The following PLPPR4 variants were observed in gnomAD, a reference collection of about 807,000 sequenced individuals.
PLPPR4 encodes phospholipid phosphatase-related protein type 4.
A neutral mutation model predicts 56.6 loss-of-function variants in PLPPR4; 24 were observed. That is an observed-to-expected ratio of 0.42 (90% CI 0.31 to 0.60). PLPPR4 has a LOEUF of 0.60. Among genes scored for constraint, PLPPR4 ranks in the 20% least tolerant of loss-of-function variants. PLPPR4 has a pLI of 0.13. For missense variants in PLPPR4, 654 were observed against 885.8 expected (o/e 0.74, Z 3.32); for synonymous variants, 326 against 328.1 (o/e 0.99, Z 0.07).
intron 1 of PLPPR4, among the ~76,000 whole-genome samples, 160 bp downstream of exon 1, chr1:99,264,831 TCC>T (rs1658850281): frequency 1.3e-5 from 2 of 152,030 alleles, no homozygotes; most frequent in South Asian, 4.1e-4. Flanking sequence ...TCACAGCAGC[TCC>T]CCGAATGTGC....
intron 2 of PLPPR4, among the ~76,000 whole-genome samples, chr1:99,293,765 A>G (rs1358673049): frequency 6.6e-6 from 1 of 152,140 alleles, no homozygotes; most frequent in Non-Finnish European, 1.5e-5. Context: ...TGAATACTAT[A>G]ATAATTTTTG....
At chr1:99,297,905 A>T (rs1430043442) in intron 3 of PLPPR4, among the ~76,000 whole-genome samples, 4 of 152,162 alleles carry the variant, frequency 2.6e-5, no homozygotes, top group Non-Finnish European at 4.4e-5. Context: ...AGGATGATCC[A>T]TTCTACCCTA....
At chr1:99,263,158 C>G (rs556940676), upstream of PLPPR4, among the ~76,000 whole-genome samples, 4 of 152,114 alleles carry the variant, frequency 2.6e-5, no homozygotes, top group Admixed American at 2.0e-4. Context: ...CCAGGACCTA[C>G]TTGGAGTTTG....
upstream of PLPPR4, chr1:99,264,427 C>A: frequency 6.9e-7 from 1 of 1,459,370 alleles, no homozygotes; most frequent in Non-Finnish European, 9.0e-7. Flanking sequence ...CAAAAAGGGG[C>A]GGGGAGAAGG....
chr1:99,274,785 C>T (rs776490672), intron 1 of PLPPR4, among the ~76,000 whole-genome samples: 3 of 152,060 alleles, frequency 2.0e-5, no homozygotes, highest in Non-Finnish European at 4.4e-5. Flanking sequence ...TGTTGGTAGG[C>T]CCATAATCTG....
chr1:99,301,992 T>C (rs1659893130), intron 6 of PLPPR4, 95 bp downstream of exon 6: 2 of 782,520 alleles, frequency 2.6e-6, no homozygotes, highest in Admixed American at 3.0e-5. Context: ...CGATATATTT[T>C]ATATAAATGA....
chr1:99,296,219 T>G (rs1043403446), intron 2 of PLPPR4, among the ~76,000 whole-genome samples: 3 of 152,190 alleles, frequency 2.0e-5, no homozygotes, highest in Admixed American at 2.0e-4. Flanking sequence ...CACTTCATTT[T>G]ATATTTAAGT....
At chr1:99,270,107 C>T (rs1477743255) in intron 1 of PLPPR4, among the ~76,000 whole-genome samples, 5 of 151,560 alleles carry the variant, frequency 3.3e-5, no homozygotes, top group Non-Finnish European at 7.4e-5. Context: ...TCACTGCAAC[C>T]TCTGCCTCCC....
chr1:99,269,144 C>G (rs1406819427), intron 1 of PLPPR4, among the ~76,000 whole-genome samples: 1 of 152,040 alleles, frequency 6.6e-6, no homozygotes, highest in African/African-American at 2.4e-5. Flanking sequence ...TCTCATTGTT[C>G]AGCTCCCACT....
rs1477705874 is a variant in PLPPR4 at position 99,274,996 on chromosome 1, T to TG, written c.78+10326dup. 3.3e-5 allele frequency among the ~76,000 whole-genome samples: 5 copies of TG among 152,298 alleles called. No individual in the cohort carries two copies. The East Asian group carries it at 9.6e-4, about 29-fold the overall frequency. On this transcript the variant is annotated intron_variant, in intron 1 of 6. Coordinates refer to ENST00000370185, the MANE Select transcript of PLPPR4 (RefSeq NM_014839.5). ...GAATGAGTCATCTCATTTAGGCTAT[T>TG]GTATGATTCATTGGAATCTTTTTTT...
At chr1:99,269,327 G>C (rs1032315256) in intron 1 of PLPPR4, among the ~76,000 whole-genome samples, 2 of 152,238 alleles carry the variant, frequency 1.3e-5, no homozygotes, top group Non-Finnish European at 2.9e-5. Flanking sequence ...GAATATCACT[G>C]ATGGGCATTT....
At chr1:99,302,509 T>TTTA (rs35590074) in intron 6 of PLPPR4, among the ~76,000 whole-genome samples, 46 of 149,552 alleles carry the variant, frequency 3.1e-4, no homozygotes, top group African/African-American at 7.6e-4. Context: ...TATTCTTTTT[T>TTTA]TTATTATTAT....
chr1:99,275,423 T>C (rs1033361927), intron 1 of PLPPR4, among the ~76,000 whole-genome samples: 1 of 152,190 alleles, frequency 6.6e-6, no homozygotes, highest in Admixed American at 6.5e-5. Flanking sequence ...CAGGACATAA[T>C]TAAGGAAAAA....
At chr1:99,284,853 A>C (rs1033925634) in intron 1 of PLPPR4, among the ~76,000 whole-genome samples, 1 of 152,194 alleles carries the variant, frequency 6.6e-6, no homozygotes, top group Non-Finnish European at 1.5e-5. Flanking sequence ...ATCAGTGGCA[A>C]CATAGAAATC....
intron 4 of PLPPR4, among the ~76,000 whole-genome samples, chr1:99,299,799 T>C (rs819913): frequency 0.038 from 5,724 of 151,944 alleles, 207 homozygotes; most frequent in African/African-American, 0.09. Context: ...TGGCCTTACA[T>C]GTCAGAAAAT....
rs915910042 is a variant in PLPPR4 at position 99,293,535 on chromosome 1, G to GA, written c.265-3195dup. On this transcript the variant is annotated intron_variant, in intron 2 of 6. Coordinates refer to ENST00000370185, the MANE Select transcript of PLPPR4 (RefSeq NM_014839.5). ...AATCTTCATGAAGTCTATGTGAACAGAAAAAAAAGGGCGCTTTTTCTTCCT... is the reference window on the plus strand; with the variant it reads ...AATCTTCATGAAGTCTATGTGAACAGAAAAAAAAAGGGCGCTTTTTCTTCCT... Among the ~76,000 whole-genome samples, 16 of 151,188 alleles carry GA rather than the reference G, an allele frequency of 1.1e-4. No homozygotes were observed. The East Asian group carries it at 2.7e-3, about 26-fold the overall frequency.
At chr1:99,281,979 C>G (rs1659338688) in intron 1 of PLPPR4, among the ~76,000 whole-genome samples, 1 of 152,116 alleles carries the variant, frequency 6.6e-6, no homozygotes, top group Admixed American at 6.5e-5. Context: ...CTTGAAATCT[C>G]TTATGATAGT....
In PLPPR4 at chr1:99,309,329, T is replaced by G. The variant is rs1660127698; in HGVS notation, c.*2319T>G. On this transcript the variant is annotated 3_prime_UTR_variant, in exon 7 of 7. Transcript: ENST00000370185. Reference sequence around the variant, plus strand: ...TTTGCTAATGGGAGCACTTCTTCCTTTGTTAGGCTGTGCTTTACTGATAAA... The same window carrying G: ...TTTGCTAATGGGAGCACTTCTTCCTGTGTTAGGCTGTGCTTTACTGATAAA... 6.6e-6 allele frequency: 1 copy of G among 152,466 alleles called. No homozygotes were observed. Among genetic ancestry groups the G allele is most frequent in the Non-Finnish European group, 1.5e-5 (1 of 68,012 alleles). 9.4% of individuals were successfully genotyped at this position (152,466 alleles called of 1,614,324 possible). A position where few individuals can be genotyped will look rare whatever the true frequency, so the allele number is the denominator to read the frequency against.
At chr1:99,286,177 A>C (rs917727243) in intron 1 of PLPPR4, among the ~76,000 whole-genome samples, 2 of 152,222 alleles carry the variant, frequency 1.3e-5, no homozygotes, top group African/African-American at 4.8e-5. Context: ...TATCTCTCAA[A>C]TATTGCATGG....
Sources: gnomAD v4.1 joint callset for allele counts (sites outside exome capture counted in the v4.1 genomes callset) on GRCh38, gnomAD v4.1.1 for gene constraint, MANE v1.5 for transcripts, NCBI Gene and HGNC (gene_info 2026-07-23, HGNC 2026-07-21) for gene names.